Variants in FRMD4A observed in about 807,000 individuals in gnomAD.
FRMD4A encodes FERM domain containing 4A.
A neutral mutation model predicts 129.1 loss-of-function variants in FRMD4A; 29 were observed. That is an observed-to-expected ratio of 0.22 (90% CI 0.17 to 0.31). The LOEUF is 0.31. Among genes scored for constraint, FRMD4A ranks in the 10% least tolerant of loss-of-function variants. The pLI is 1.00. For synonymous variants in FRMD4A, 634 were observed against 571.6 expected (o/e 1.11, Z -1.56); for missense variants, 1,272 against 1,375.8 (o/e 0.92, Z 1.19).
At chr10:13,707,144 A>C (rs954942956) in intron 12 of FRMD4A, 31 bp from the exon 13 acceptor site, 2 of 1,250,290 alleles carry the variant, frequency 1.6e-6, no homozygotes, top group Non-Finnish European at 2.4e-6. Context: ...TTTAAAACTC[A>C]GGAGGGGCTG....
At chr10:13,694,433 G>T (rs1054755194) in intron 14 of FRMD4A, among the ~76,000 whole-genome samples, 1 of 152,130 alleles carries the variant, frequency 6.6e-6, no homozygotes, top group Non-Finnish European at 1.5e-5. Flanking sequence ...TGTGGGAAGG[G>T]TGTTCCTCCC....
chr10:13,951,793 G>A (rs941478432), intron 2 of FRMD4A, among the ~76,000 whole-genome samples: 7 of 151,956 alleles, frequency 4.6e-5, no homozygotes, highest in African/African-American at 7.2e-5. Context: ...GGGCGGCTGA[G>A]GCAGGAGAAT....
intron 2 of FRMD4A, among the ~76,000 whole-genome samples, chr10:14,101,989 G>A (rs748881352): frequency 2.3e-4 from 35 of 152,136 alleles, no homozygotes; most frequent in Non-Finnish European, 2.6e-4. Context: ...GCTTTTACTG[G>A]ATTTAAGTCC....
intron 2 of FRMD4A, among the ~76,000 whole-genome samples, chr10:14,255,582 G>A (rs1844581824): frequency 6.6e-6 from 1 of 152,178 alleles, no homozygotes; most frequent in Non-Finnish European, 1.5e-5. Flanking sequence ...AATTGCCCTT[G>A]CCAGATGCTG....
chr10:13,880,592 C>G (rs1337130393), intron 2 of FRMD4A, among the ~76,000 whole-genome samples: 1 of 152,180 alleles, frequency 6.6e-6, no homozygotes, highest in Non-Finnish European at 1.5e-5. Flanking sequence ...GTGACTCCCA[C>G]CAGTCCTCAC....
intron 2 of FRMD4A, among the ~76,000 whole-genome samples, chr10:14,125,761 G>GCA (rs138669121): frequency 2.0e-5 from 3 of 152,072 alleles, no homozygotes; most frequent in South Asian, 4.2e-4. Context: ...ATGCGCACGC[G>GCA]CACACATACA....
intron 2 of FRMD4A, among the ~76,000 whole-genome samples, chr10:13,990,526 C>T (rs371197030): frequency 3.9e-5 from 6 of 152,322 alleles, no homozygotes; most frequent in African/African-American, 1.2e-4. Flanking sequence ...AACTTGATAT[C>T]TGCTCCTTGA....
At chr10:13,834,575 G>A (rs557916479) in intron 3 of FRMD4A, among the ~76,000 whole-genome samples, 1 of 152,308 alleles carries the variant, frequency 6.6e-6, no homozygotes, top group South Asian at 2.1e-4. Context: ...AAAGCCTGAC[G>A]TTAGAAAGAA....
intron 2 of FRMD4A, among the ~76,000 whole-genome samples, chr10:13,942,107 T>C (rs2095297067): frequency 6.6e-6 from 1 of 152,168 alleles, no homozygotes; most frequent in Non-Finnish European, 1.5e-5. Flanking sequence ...CAAGTTTTCA[T>C]GGAGGTTTCT....
At chr10:14,307,985 C>A (rs1846409354) in intron 2 of FRMD4A, among the ~76,000 whole-genome samples, 1 of 152,110 alleles carries the variant, frequency 6.6e-6, no homozygotes, top group African/African-American at 2.4e-5. Context: ...AGGCTGGTGG[C>A]AAAATCTGTG....
At chr10:13,659,598 T>TTGGGTCA in intron 20 of FRMD4A, 108 bp from the exon 21 acceptor site, 1 of 1,116,358 alleles carries the variant, frequency 9.0e-7, no homozygotes, top group Non-Finnish European at 1.3e-6. Context: ...AGCTCGCCCG[T>TTGGGTCA]GACTCCCACC....
At chr10:14,265,744 G>A (rs1405897355) in intron 2 of FRMD4A, among the ~76,000 whole-genome samples, 1 of 152,216 alleles carries the variant, frequency 6.6e-6, no homozygotes, top group Non-Finnish European at 1.5e-5. Flanking sequence ...AATAGAGATA[G>A]TTCAGATCTG....
intron 2 of FRMD4A, among the ~76,000 whole-genome samples, chr10:14,194,491 G>A (rs924283736): frequency 6.6e-6 from 1 of 152,164 alleles, no homozygotes; most frequent in Non-Finnish European, 1.5e-5. Flanking sequence ...GGCACCTATA[G>A]TCCCAGCTAC....
At position 14,010,078 on chromosome 10, in the gene FRMD4A, G is replaced by C. The variant is rs143357994; in HGVS notation, c.46-151166C>G. On this transcript the variant is annotated intron_variant, in intron 2 of 24. Coordinates refer to ENST00000357447, the MANE Select transcript of FRMD4A (RefSeq NM_018027.5). Reference sequence around the variant, plus strand: ...ACTTTCAGAACACTTTATCTGTTGAGAGTCACGGCATGTCATTCTTCCAGC... The same window carrying C: ...ACTTTCAGAACACTTTATCTGTTGACAGTCACGGCATGTCATTCTTCCAGC... Among the ~76,000 whole-genome samples the C allele has an allele frequency of 3.9e-5, 6 of 152,100 alleles. No individual in the cohort carries two copies. In the South Asian group the frequency reaches 6.3e-4, roughly 16 times the overall value.
intron 2 of FRMD4A, among the ~76,000 whole-genome samples, chr10:13,971,125 C>G (rs996014734): frequency 1.3e-5 from 2 of 152,174 alleles, no homozygotes; most frequent in African/African-American, 4.8e-5. Flanking sequence ...CATGCACACA[C>G]GCACGCACGC....
chr10:14,228,561 G>T (rs1356976557), intron 2 of FRMD4A, among the ~76,000 whole-genome samples: 1 of 152,192 alleles, frequency 6.6e-6, no homozygotes, highest in Non-Finnish European at 1.5e-5. Context: ...GTTTATTTGA[G>T]AAAATCTTGT....
intron 2 of FRMD4A, among the ~76,000 whole-genome samples, chr10:14,093,629 G>A (rs1227112466): frequency 1.3e-5 from 2 of 152,184 alleles, no homozygotes; most frequent in African/African-American, 4.8e-5. Flanking sequence ...AAGAAAATAT[G>A]TTTATGGACA....
At chr10:14,279,957 T>C (rs935334921) in intron 2 of FRMD4A, among the ~76,000 whole-genome samples, 2 of 152,206 alleles carry the variant, frequency 1.3e-5, no homozygotes, top group African/African-American at 4.8e-5. Context: ...AAAGGTGGGA[T>C]TGTTCAACAG....
At chr10:13,657,933 G>C (rs2082312733) in intron 21 of FRMD4A, among the ~76,000 whole-genome samples, 1 of 151,866 alleles carries the variant, frequency 6.6e-6, no homozygotes, top group East Asian at 1.9e-4. Context: ...TTGAGCCTGG[G>C]AATTTGAGAC....
Sources: allele counts gnomAD v4.1 joint callset (sites outside exome capture counted in the v4.1 genomes callset), GRCh38; gene constraint gnomAD v4.1.1; transcripts MANE v1.5; gene names NCBI Gene and HGNC (gene_info 2026-07-23, HGNC 2026-07-21).